The following DEPDC1B variants were observed in gnomAD, a reference collection of about 807,000 sequenced individuals.
DEPDC1B encodes the protein DEP domain-containing protein 1B.
A neutral mutation model predicts 66.5 loss-of-function variants in DEPDC1B; 51 were observed. The ratio of observed to expected loss-of-function variants is 0.77; its 90% CI spans 0.61 to 0.97. The LOEUF is 0.97. DEPDC1B is among the 50% of genes least tolerant of loss of function. The pLI, the probability that DEPDC1B is intolerant of heterozygous loss-of-function variation, is 0.00. For synonymous variants in DEPDC1B, 226 were observed against 223.6 expected (o/e 1.01, Z -0.10); for missense variants, 552 against 637.1 (o/e 0.87, Z 1.44).
intron 7 of DEPDC1B, among the ~76,000 whole-genome samples, chr5:60,611,460 A>G (rs1324490748): frequency 6.6e-6 from 1 of 152,214 alleles, no homozygotes; most frequent in African/African-American, 2.4e-5. Context: ...AAAAGAAACT[A>G]TTGACCTTAG....
Position 60,667,615 on chromosome 5 carries a change from AAAAAATGGATATTTTACATATATG to A in DEPDC1B, c.314+19323_314+19346del, listed in dbSNP as rs1561383825. Among the ~76,000 whole-genome samples the A allele has an allele frequency of 1.9e-4, 26 of 140,114 alleles. 1 individual carries two copies. Among genetic ancestry groups the A allele is most frequent in the African/African-American group, 6.5e-4 (23 of 35,530 alleles). 91.9% of individuals were successfully genotyped at this position (140,114 alleles called of 152,430 possible). A position where few individuals can be genotyped will look rare whatever the true frequency, so the allele number is the denominator to read the frequency against. On this transcript the variant is annotated intron_variant, in intron 2 of 10. Transcript: ENST00000265036. ...AAAAATGGATATTTTACATATATAT[AAAAAATGGATATTTTACATATATG>A]AAAAATGGATATTTTACATGTATAT...
rs1036380818 is a variant in DEPDC1B at position 60,597,147 on chromosome 5, T to A, written c.*606A>T. 1.3e-5 allele frequency: 2 copies of A among 152,584 alleles called. No homozygotes were observed. The highest frequency in any genetic ancestry group is 4.8e-5 in the African/African-American group (2 of 41,438). The allele number at this position is 152,584 out of a possible 1,614,324, so 9.5% of individuals were successfully genotyped here. ...ACTCCACTTATAGGTAAACATCAAC[T>A]AATATATATGTTATAAAAACACTAG... On this transcript the variant is annotated 3_prime_UTR_variant, in exon 11 of 11. Coordinates refer to ENST00000265036, the MANE Select transcript of DEPDC1B (RefSeq NM_018369.3).
At chr5:60,667,358 T>TAC (rs1205113168) in intron 2 of DEPDC1B, among the ~76,000 whole-genome samples, 1 of 151,128 alleles carries the variant, frequency 6.6e-6, no homozygotes, top group Admixed American at 6.6e-5. Context: ...TACATATATA[T>TAC]ATAAAATGGA....
intron 1 of DEPDC1B, among the ~76,000 whole-genome samples, chr5:60,695,254 A>C (rs766493289): frequency 6.6e-6 from 1 of 152,186 alleles, no homozygotes; most frequent in Non-Finnish European, 1.5e-5. Context: ...TGCAGAGTGT[A>C]CAAGAAACAT....
chr5:60,599,711 G>C lies in DEPDC1B; in HGVS notation c.1243-451C>G, dbSNP rs778466937. On this transcript the variant is annotated intron_variant, in intron 9 of 10. Coordinates refer to ENST00000265036, the MANE Select transcript of DEPDC1B (RefSeq NM_018369.3). The stretch of plus-strand genomic sequence containing the variant: ...TTAAACCACAAACAATAGCATGAGC[G>C]ATCTGTGCCTTAAAGACATGTTCAT... Among the ~76,000 whole-genome samples the C allele has an allele frequency of 5.3e-5, 8 of 152,230 alleles. No individual in the cohort carries two copies. In the South Asian group the frequency reaches 8.3e-4, roughly 16 times the overall value.
chr5:60,612,493 T>C lies in DEPDC1B; in HGVS notation c.899-6637A>G, dbSNP rs945503445. On this transcript the variant is annotated intron_variant, in intron 7 of 10. Transcript: ENST00000265036. ...GTTCCAGAAATGACAACACATGGTT[T>C]AGTGAAGATTTTAAGCCCACTGTTG... Among the ~76,000 whole-genome samples, 50 of 140,688 alleles carry C rather than the reference T, an allele frequency of 3.6e-4. 1 individual carries two copies. The highest frequency in any genetic ancestry group is 1.2e-3 in the African/African-American group (46 of 38,442). 92.3% of individuals were successfully genotyped at this position (140,688 alleles called of 152,430 possible).
chr5:60,687,237 A>G lies in DEPDC1B; in HGVS notation c.49-10T>C, dbSNP rs944617054. 2 of 1,594,808 alleles carry G rather than the reference A, an allele frequency of 1.3e-6. No homozygotes were observed. Reference sequence around the variant, plus strand: ...CCACGGTCTCATTCCACTAGGGGAAAGAAAGAGAATGGCATTTAGTAATCA... The same window carrying G: ...CCACGGTCTCATTCCACTAGGGGAAGGAAAGAGAATGGCATTTAGTAATCA... On this transcript the variant is annotated splice_polypyrimidine_tract_variant and intron_variant, in intron 1 of 10. Transcript: ENST00000265036.
rs533101842 is a variant in DEPDC1B, at chr5:60,596,938, T to C, written c.*815A>G. On this transcript the variant is annotated 3_prime_UTR_variant, in exon 11 of 11. Transcript: ENST00000265036. Reference sequence around the variant, plus strand: ...GGCATTTTTAAAAAAAATAAGTTTATTTACATTTCACTTACTTTCAAAAGG... The same window carrying C: ...GGCATTTTTAAAAAAAATAAGTTTACTTACATTTCACTTACTTTCAAAAGG... 1 of 152,742 alleles carries C rather than the reference T, an allele frequency of 6.5e-6. No individual in the cohort carries two copies. The highest frequency in any genetic ancestry group is 2.1e-4 in the South Asian group (1 of 4,828). 9.5% of individuals were successfully genotyped at this position (152,742 alleles called of 1,614,324 possible).
At chr5:60,634,703 TATAA>T (rs1753003451) in intron 7 of DEPDC1B, among the ~76,000 whole-genome samples, 1 of 147,526 alleles carries the variant, frequency 6.8e-6, no homozygotes, top group Non-Finnish European at 1.5e-5. Flanking sequence ...AATAAATAAA[TATAA>T]AAATAAATAA....
chr5:60,695,683 ACTATCTGTTC>A (rs1257578527), intron 1 of DEPDC1B, among the ~76,000 whole-genome samples: 3 of 152,258 alleles, frequency 2.0e-5, no homozygotes, highest in African/African-American at 7.2e-5. Context: ...CCACTGAGCG[ACTATCTGTTC>A]CTGTGTAATA....
chr5:60,614,924 G>C (rs559078943), intron 7 of DEPDC1B, among the ~76,000 whole-genome samples: 1 of 152,322 alleles, frequency 6.6e-6, no homozygotes, highest in Admixed American at 6.5e-5. Context: ...CTGGGAAGCA[G>C]AGGTTGCTGT....
In DEPDC1B at chr5:60,597,809, A is replaced by T. The variant is rs750530507; in HGVS notation, c.1534T>A (p.Trp512Arg). 1.7e-5 allele frequency: 28 copies of T among 1,613,464 alleles called. 1 individual carries two copies. The South Asian group carries it at 3.0e-4, about 17-fold the overall frequency. The part of the protein sequence containing the change: ...KPKPKPQLLM[W>R]ALKKPFQPFQ... Reference sequence around the variant, plus strand: ...GGTTGGAAAGGCTTCTTTAGTGCCCACATTAGCAGCTGTGGTTTCGGTTTG... The same window carrying T: ...GGTTGGAAAGGCTTCTTTAGTGCCCTCATTAGCAGCTGTGGTTTCGGTTTG... The change falls in exon 11 of 11, where the codon TGG becomes AGG. Residue 512 changes from tryptophan (W) to arginine (R), a missense_variant. Coordinates refer to ENST00000265036, the MANE Select transcript of DEPDC1B (RefSeq NM_018369.3).
At chr5:60,699,443 G>GAAAAAAAACAAAAAAA (rs1754728186) in intron 1 of DEPDC1B, among the ~76,000 whole-genome samples, 1 of 89,380 alleles carries the variant, frequency 1.1e-5, no homozygotes, top group Non-Finnish European at 2.0e-5. Context: ...TTTTCTCCCA[G>GAAAAAAAACAAAAAAA]AAAAAAAAAA....
chr5:60,666,889 G>A (rs544350435), intron 2 of DEPDC1B, among the ~76,000 whole-genome samples: 1 of 152,254 alleles, frequency 6.6e-6, no homozygotes, highest in South Asian at 2.1e-4. Flanking sequence ...AGAGAAAGAA[G>A]CCATCTTAGA....
At chr5:60,601,752 A>T (rs1752202876) in intron 9 of DEPDC1B, among the ~76,000 whole-genome samples, 1 of 152,236 alleles carries the variant, frequency 6.6e-6, no homozygotes, top group Non-Finnish European at 1.5e-5. Context: ...GATGATACCA[A>T]CAACAAAGGC....
At chr5:60,599,665 G>A (rs1048108256) in intron 9 of DEPDC1B, among the ~76,000 whole-genome samples, 7 of 152,200 alleles carry the variant, frequency 4.6e-5, no homozygotes, top group Admixed American at 2.0e-4. Flanking sequence ...CACCCAGGGC[G>A]GAAAACCGCT....
chr5:60,641,051 C>T (rs1467244709), intron 6 of DEPDC1B, among the ~76,000 whole-genome samples: 1 of 152,178 alleles, frequency 6.6e-6, no homozygotes, highest in East Asian at 1.9e-4. Flanking sequence ...AGACAAGTTC[C>T]CTTTTCCCAG....
intron 9 of DEPDC1B, among the ~76,000 whole-genome samples, chr5:60,600,335 T>A (rs991643411): frequency 2.0e-5 from 3 of 152,190 alleles, no homozygotes; most frequent in African/African-American, 7.2e-5. Context: ...ATTAAAAATA[T>A]TTAATTTCAG....
intron 5 of DEPDC1B, 54 bp downstream of exon 5, chr5:60,644,691 T>G: frequency 6.8e-7 from 1 of 1,478,412 alleles, no homozygotes; most frequent in Non-Finnish European, 9.1e-7. Flanking sequence ...CTGATGGACC[T>G]GTGCAGCCAA....
Sources: allele counts gnomAD v4.1 joint callset (sites outside exome capture counted in the v4.1 genomes callset), GRCh38; gene constraint gnomAD v4.1.1; transcripts MANE v1.5; gene names NCBI Gene and HGNC (gene_info 2026-07-23, HGNC 2026-07-21).